The following KDM2B variants were observed in gnomAD, a reference collection of about 807,000 sequenced individuals.
KDM2B encodes the protein lysine-specific demethylase 2B.
A neutral mutation model predicts 150.0 loss-of-function variants in KDM2B; 26 were observed. The ratio of observed to expected loss-of-function variants is 0.17; its 90% confidence interval spans 0.13 to 0.24. The LOEUF is 0.24. Ranked by LOEUF, KDM2B falls within the 10% of genes least tolerant of loss-of-function variation. The probability of loss-of-function intolerance (pLI) is 1.00; values close to 1 mark genes in which losing one functional copy is unlikely to be tolerated. For missense variants in KDM2B, 1,265 were observed against 1,816.9 expected (o/e 0.70, Z 5.52); for synonymous variants, 734 against 729.5 (o/e 1.01, Z -0.10).
At chr12:121,464,582 A>G (rs1299850494) in intron 12 of KDM2B, among the ~76,000 whole-genome samples, 2 of 152,344 alleles carry the variant, frequency 1.3e-5, no homozygotes, top group South Asian at 2.1e-4. Flanking sequence ...AAGGTGGAGC[A>G]GCCAAAACTC....
chr12:121,486,545 G>C (rs554631532), intron 12 of KDM2B, among the ~76,000 whole-genome samples: 26 of 151,784 alleles, frequency 1.7e-4, no homozygotes, highest in African/African-American at 5.8e-4. Flanking sequence ...CCCACACTTT[G>C]AAATACCAAG....
rs142356556 is a variant in KDM2B, at chr12:121,479,618, T to TTC, written c.1734+14959_1734+14960dup. Among the ~76,000 whole-genome samples, 13 of 152,024 alleles carry TTC rather than the reference T, an allele frequency of 8.6e-5. No homozygotes were observed. In the East Asian group the frequency reaches 1.8e-3, roughly 20 times the overall value. On this transcript the variant is annotated intron_variant, in intron 12 of 22. Transcript: ENST00000377071. ...TGGGCGACAAACTGTGACTCCATTT[T>TTC]TCTCTCTCTCTCCTTTTTTTTGAGA...
downstream of KDM2B, among the ~76,000 whole-genome samples, chr12:121,425,676 A>G (rs1872478720): frequency 6.6e-6 from 1 of 152,114 alleles, no homozygotes; most frequent in African/African-American, 2.4e-5. Flanking sequence ...TGCAACCACA[A>G]TTGGTAGTAA....
intron 9 of KDM2B, chr12:121,516,912 G>A: frequency 3.0e-6 from 2 of 664,148 alleles, no homozygotes; most frequent in Non-Finnish European, 5.3e-6. Context: ...AAGTCCAATG[G>A]TAGGGGGAAG....
intron 12 of KDM2B, among the ~76,000 whole-genome samples, chr12:121,465,918 A>AATT (rs1555294677): frequency 6.6e-6 from 1 of 152,172 alleles, no homozygotes; most frequent in African/African-American, 2.4e-5. Context: ...TGACTTAATA[A>AATT]AAGTTCAAGC....
chr12:121,570,979 T>C lies in KDM2B; in HGVS notation c.397+3568A>G, dbSNP rs114259965. ...TTTTGGATAAACAAAATGTAGTCTA[T>C]CCATACAATGGAATATTATTCAGCC... On this transcript the variant is annotated intron_variant, in intron 4 of 22. Transcript: ENST00000377071. Among the ~76,000 whole-genome samples the C allele has an allele frequency of 4.2e-3, 636 of 152,298 alleles. 2 individuals carry two copies. The highest frequency in any genetic ancestry group is 0.015 in the African/African-American group (612 of 41,564).
At chr12:121,510,819 A>C (rs543690912) in intron 10 of KDM2B, among the ~76,000 whole-genome samples, 16 of 149,782 alleles carry the variant, frequency 1.1e-4, no homozygotes, top group African/African-American at 3.0e-4. Context: ...AATAATAATA[A>C]TAATACTAAA....
chr12:121,519,112 T>G (rs948651481), intron 9 of KDM2B, among the ~76,000 whole-genome samples: 1 of 152,214 alleles, frequency 6.6e-6, no homozygotes, highest in African/African-American at 2.4e-5. Flanking sequence ...CGTGTCAATC[T>G]GCAGAGGTAC....
chr12:121,543,266 G>C lies in KDM2B; in HGVS notation c.683+5611C>G, dbSNP rs981810442. 2.6e-5 allele frequency among the ~76,000 whole-genome samples: 4 copies of C among 152,066 alleles called. No homozygotes were observed. The East Asian group carries it at 5.8e-4, about 22-fold the overall frequency. ...AGCTACTTGGGAGGCTGATGCAGGAGAATCGCTTGAACCCCAGAGGTGGAG... is the reference window on the plus strand; with the variant it reads ...AGCTACTTGGGAGGCTGATGCAGGACAATCGCTTGAACCCCAGAGGTGGAG... On this transcript the variant is annotated intron_variant, in intron 6 of 22. Transcript: ENST00000377071.
Position 121,520,931 on chromosome 12 carries a change from C to A in KDM2B, c.1047+54G>T. 7.3e-7 allele frequency: 1 copy of A among 1,373,656 alleles called. No individual in the cohort carries two copies. Among genetic ancestry groups the A allele is most frequent in the Non-Finnish European group, 1.0e-6 (1 of 964,282 alleles). The allele number at this position is 1,373,656 out of a possible 1,614,324, so 85.1% of individuals were successfully genotyped here. On this transcript the variant is annotated intron_variant, in intron 9 of 22. Coordinates refer to ENST00000377071, the MANE Select transcript of KDM2B (RefSeq NM_032590.5). The surrounding 1 kb of genome is among the most constrained non-coding windows in gnomAD (Gnocchi z 4.5). The stretch of plus-strand genomic sequence containing the variant: ...ATGACCTGTCCCACACACCGAGCAC[C>A]GGCAGAGCTCAGGGGCCAGGCGCGC...
At chr12:121,579,064 G>C in intron 1 of KDM2B, 118 bp from the exon 2 acceptor site, 1 of 1,103,282 alleles carries the variant, frequency 9.1e-7, no homozygotes, top group Non-Finnish European at 1.3e-6. Flanking sequence ...CCCCACCATT[G>C]CAACCCAAGC....
chr12:121,435,071 T>C (rs1873766915), intron 22 of KDM2B, among the ~76,000 whole-genome samples: 1 of 148,092 alleles, frequency 6.8e-6, no homozygotes, highest in Non-Finnish European at 1.5e-5. Flanking sequence ...CAGTGGCTCA[T>C]GCCTGTAATT....
At chr12:121,441,642 G>A (rs1875078258) in intron 19 of KDM2B, among the ~76,000 whole-genome samples, 1 of 152,074 alleles carries the variant, frequency 6.6e-6, no homozygotes, top group Non-Finnish European at 1.5e-5. Context: ...TCACCTTGTT[G>A]GCCAGGCTGG....
At chr12:121,579,572 G>A (rs782770881) in intron 1 of KDM2B, 1 of 1,292,762 alleles carries the variant, frequency 7.7e-7, no homozygotes, top group South Asian at 1.2e-5. Context: ...AGAGGCAGAC[G>A]GCCCGCCACA....
intron 13 of KDM2B, among the ~76,000 whole-genome samples, chr12:121,445,745 G>A (rs1876044776): frequency 6.6e-6 from 1 of 152,186 alleles, no homozygotes; most frequent in Admixed American, 6.5e-5. Flanking sequence ...AAATTAGAGG[G>A]CTGGAGTGAG....
chr12:121,500,762 C>T (rs1884462948), intron 11 of KDM2B, among the ~76,000 whole-genome samples: 1 of 152,208 alleles, frequency 6.6e-6, no homozygotes, highest in Admixed American at 6.5e-5. Flanking sequence ...CCAGCCCCAC[C>T]GTCTGTGAAA....
At chr12:121,572,426 G>C (rs370248198) in intron 4 of KDM2B, among the ~76,000 whole-genome samples, 1 of 151,970 alleles carries the variant, frequency 6.6e-6, no homozygotes. Context: ...ACTCAGTTCC[G>C]CACTCCAAGT....
At chr12:121,485,932 A>G (rs530572838) in intron 12 of KDM2B, among the ~76,000 whole-genome samples, 107 of 151,436 alleles carry the variant, frequency 7.1e-4, no homozygotes, top group African/African-American at 2.4e-3. Flanking sequence ...ATGCGCCACC[A>G]CACCTGGCTA....
Position 121,533,076 on chromosome 12 carries a change from G to C in KDM2B, c.778-117C>G, listed in dbSNP as rs1191808594. The C allele has an allele frequency of 1.4e-5, 14 of 1,000,596 alleles. No homozygotes were observed. The African/African-American group carries it at 2.2e-4, about 16-fold the overall frequency. 62.0% of individuals were successfully genotyped at this position (1,000,596 alleles called of 1,614,324 possible). ...CGAGACAAGCTGTGTGTGGGGTGGG[G>C]GGTGTGGAGAGATGGCAGATCCATC... On this transcript the variant is annotated intron_variant, in intron 7 of 22. Coordinates refer to ENST00000377071, the MANE Select transcript of KDM2B (RefSeq NM_032590.5). The surrounding 1 kb of genome is among the most constrained non-coding windows in gnomAD (Gnocchi z 4.1).
Sources: gnomAD v4.1 joint callset for allele counts (sites outside exome capture counted in the v4.1 genomes callset) on GRCh38, gnomAD v4.1.1 for gene constraint, Gnocchi (gnomAD v3.1) non-coding constraint, MANE v1.5 for transcripts, NCBI Gene and HGNC (gene_info 2026-07-23, HGNC 2026-07-21) for gene names.